Variants in DENND3 observed in about 807,000 individuals in gnomAD.
DENND3 encodes DENN domain-containing protein 3.
In DENND3, 88 loss-of-function variants were observed where a neutral mutation model predicts 135.1. That is an observed-to-expected ratio of 0.65 (90% CI 0.55 to 0.78). The LOEUF is 0.78. DENND3 is among the 30% of genes least tolerant of loss of function. DENND3 has a pLI of 0.00. For missense variants in DENND3, 1,392 were observed against 1,688.4 expected, an observed-to-expected ratio of 0.82 and a Z score of 3.08; for synonymous variants, 693 against 712.3, an observed-to-expected ratio of 0.97 and a Z score of 0.43.
intron 1 of DENND3, among the ~76,000 whole-genome samples, chr8:141,134,077 C>T (rs976294086): frequency 2.6e-5 from 4 of 151,932 alleles, no homozygotes; most frequent in African/African-American, 9.7e-5. Flanking sequence ...AGAAGGGAGG[C>T]GAGATCAAGA....
At chr8:141,157,414 G>A in intron 8 of DENND3, 1 of 985,468 alleles carries the variant, frequency 1.0e-6, no homozygotes, top group Non-Finnish European at 1.2e-6. Context: ...ATGATAGCAG[G>A]AGGAGAGATC....
chr8:141,180,128 G>A (rs918032493), intron 16 of DENND3, among the ~76,000 whole-genome samples: 1 of 152,196 alleles, frequency 6.6e-6, no homozygotes. Flanking sequence ...TGAACGGGGG[G>A]CGATGTTGCA....
At chr8:141,179,803 G>A (rs571408078) in intron 16 of DENND3, among the ~76,000 whole-genome samples, 2 of 152,288 alleles carry the variant, frequency 1.3e-5, no homozygotes, top group African/African-American at 4.8e-5. Context: ...TTCAAAATGG[G>A]GATAACGGGA....
At position 141,167,884 on chromosome 8, in the gene DENND3, C is replaced by T; in HGVS notation, c.1754-120C>T. 1 of 1,394,054 alleles carries T rather than the reference C, an allele frequency of 7.2e-7. No homozygotes were observed. Among genetic ancestry groups the T allele is most frequent in the Non-Finnish European group, 9.7e-7 (1 of 1,025,902 alleles). 86.4% of individuals were successfully genotyped at this position (1,394,054 alleles called of 1,614,324 possible). On this transcript the variant is annotated intron_variant, in intron 12 of 22. Transcript: ENST00000519811. The surrounding 1 kb of genome is among the most constrained non-coding windows in gnomAD (Gnocchi z 4.1). ...GTGGAGCTTTCTGGAGGGAGCACAC[C>T]CATTCTCATTTTATTTTGCATCCAG...
At chr8:141,135,116 A>T (rs548177602) in intron 1 of DENND3, among the ~76,000 whole-genome samples, 2 of 150,362 alleles carry the variant, frequency 1.3e-5, no homozygotes, top group East Asian at 3.9e-4. Flanking sequence ...GATTACAGGC[A>T]TGAGCCACCG....
intron 1 of DENND3, 96 bp from the exon 2 acceptor site, chr8:141,136,413 G>T: frequency 7.7e-7 from 1 of 1,294,538 alleles, no homozygotes; most frequent in Non-Finnish European, 1.0e-6. Context: ...GGGCACCGAG[G>T]GGAGGAGAAA....
intron 5 of DENND3, among the ~76,000 whole-genome samples, chr8:141,148,276 G>T (rs1457984756): frequency 2.0e-5 from 3 of 152,142 alleles, no homozygotes; most frequent in Non-Finnish European, 4.4e-5. Flanking sequence ...CATGGCACAG[G>T]GGGTAGAGGA....
chr8:141,142,425 C>T, intron 4 of DENND3: 1 of 457,062 alleles, frequency 2.2e-6, no homozygotes, highest in Non-Finnish European at 4.4e-6. Flanking sequence ...AGACCTTCTG[C>T]CTTGACCAGA....
chr8:141,130,017 T>C lies in DENND3; in HGVS notation c.102+1208T>C, dbSNP rs1347793302. On this transcript the variant is annotated intron_variant, in intron 1 of 22. Coordinates refer to ENST00000519811, the MANE Select transcript of DENND3 (RefSeq NM_001352890.3). The surrounding 1 kb of genome is among the most constrained non-coding windows in gnomAD (Gnocchi z 4.2). The stretch of plus-strand genomic sequence containing the variant: ...TCGCAACGTCATCGATTGATTTGTC[T>C]CCCTACCTCGAATTTGCCAGATGGC... 1 of 152,244 alleles carries C rather than the reference T, an allele frequency of 6.6e-6. No homozygotes were observed. The highest frequency in any genetic ancestry group is 1.5e-5 in the Non-Finnish European group (1 of 68,036). The allele number at this position is 152,244 out of a possible 1,614,324, so 9.4% of individuals were successfully genotyped here.
In DENND3 at chr8:141,144,559, T is replaced by G. The variant is rs1191447915; in HGVS notation, c.735+300T>G. 6.6e-6 allele frequency among the ~76,000 whole-genome samples: 1 copy of G among 151,792 alleles called. No homozygotes were observed. The highest frequency in any genetic ancestry group is 1.5e-5 in the Non-Finnish European group (1 of 67,978). On this transcript the variant is annotated intron_variant, in intron 5 of 22. Coordinates refer to ENST00000519811, the MANE Select transcript of DENND3 (RefSeq NM_001352890.3). This position sits in a 1 kb window ranked among gnomAD's most constrained non-coding sequence, Gnocchi z 4.4. ...GGTGTTTGTGTATAGGGTTGTAAAC[T>G]AAAACGAAAATCCTAAGCCTCCCTA...
chr8:141,141,679 GA>G lies in DENND3; in HGVS notation c.623+360del, dbSNP rs1258218153. The G allele has an allele frequency of 4.2e-6, 1 of 239,974 alleles. No individual in the cohort carries two copies. Among genetic ancestry groups the G allele is most frequent in the African/African-American group, 2.3e-5 (1 of 43,672 alleles). The allele number at this position is 239,974 out of a possible 1,614,324, so 14.9% of individuals were successfully genotyped here. On this transcript the variant is annotated intron_variant, in intron 4 of 22. Coordinates refer to ENST00000519811, the MANE Select transcript of DENND3 (RefSeq NM_001352890.3). This position sits in a 1 kb window ranked among gnomAD's most constrained non-coding sequence, Gnocchi z 5.3. ...TTTTTCACAAAAAGGCATATATTAG[GA>G]AAAACTCTTTTCCTAGCTGAGAATA...
At chr8:141,169,566 A>G (rs987760583) in intron 13 of DENND3, among the ~76,000 whole-genome samples, 3 of 152,240 alleles carry the variant, frequency 2.0e-5, no homozygotes, top group Admixed American at 2.0e-4. Context: ...CATGGAGTGC[A>G]GTGGGCTTGT....
intron 13 of DENND3, among the ~76,000 whole-genome samples, chr8:141,170,483 G>GTGCGC (rs1821406461): frequency 6.6e-6 from 1 of 152,190 alleles, no homozygotes; most frequent in Admixed American, 6.5e-5. Flanking sequence ...CCATCAGATT[G>GTGCGC]TGCGCTCACT....
At chr8:141,152,398 C>T (rs1232287292) in intron 7 of DENND3, among the ~76,000 whole-genome samples, 1 of 152,146 alleles carries the variant, frequency 6.6e-6, no homozygotes, top group Non-Finnish European at 1.5e-5. Context: ...AGCAGTCAGC[C>T]CCCAGGGCCT....
intron 14 of DENND3, chr8:141,176,287 C>A (rs146686163): frequency 0.13 from 20,211 of 150,498 alleles, 4,073 homozygotes; most frequent in African/African-American, 0.53. Context: ...AAAAACAAAA[C>A]AAAAAAAAAA....
At chr8:141,140,644 C>G (rs1335607131) in intron 3 of DENND3, among the ~76,000 whole-genome samples, 1 of 152,248 alleles carries the variant, frequency 6.6e-6, no homozygotes, top group Non-Finnish European at 1.5e-5. Flanking sequence ...ACCCTAAATT[C>G]AGCAAGTTCT....
At position 141,168,583 on chromosome 8, in the gene DENND3, T is replaced by C; in HGVS notation, c.2275+58T>C. 6.5e-7 allele frequency: 1 copy of C among 1,538,006 alleles called. No homozygotes were observed. Among genetic ancestry groups the C allele is most frequent in the South Asian group, 1.3e-5 (1 of 79,148 alleles). ...ATTATTTAGAGACAGGGTCTGGCTC[T>C]GTCGCCCAGGCTGGAGTGGACTGGC... On this transcript the variant is annotated intron_variant, in intron 13 of 22. Coordinates refer to ENST00000519811, the MANE Select transcript of DENND3 (RefSeq NM_001352890.3). The surrounding 1 kb of genome is among the most constrained non-coding windows in gnomAD (Gnocchi z 6.2).
intron 22 of DENND3, chr8:141,193,105 C>G (rs1824995461): frequency 3.4e-6 from 1 of 297,616 alleles, no homozygotes. Context: ...ACATGGCACT[C>G]TCTCTCCCTG....
At position 141,192,804 on chromosome 8, in the gene DENND3, G is replaced by T. The variant is rs373450406; in HGVS notation, c.3636+141G>T. ...TCAGGGTTCCCCTCCTAACAGGCAC[G>T]TGCAGGGTTGGTGCCAACGGGCCCA... On this transcript the variant is annotated intron_variant, in intron 22 of 22. Coordinates refer to ENST00000519811, the MANE Select transcript of DENND3 (RefSeq NM_001352890.3). 3.3e-3 allele frequency: 5,176 copies of T among 1,576,596 alleles called. 58 individuals are homozygous for T. The highest frequency in any genetic ancestry group is 0.025 in the South Asian group (2,194 of 88,066).
Sources: allele counts gnomAD v4.1 joint callset (sites outside exome capture counted in the v4.1 genomes callset), GRCh38; gene constraint gnomAD v4.1.1; non-coding constraint Gnocchi (gnomAD v3.1); transcripts MANE v1.5; gene names NCBI Gene and HGNC (gene_info 2026-07-23, HGNC 2026-07-21).